TMEM74: variants seen among roughly 807,000 people sequenced by gnomAD.
The protein encoded by TMEM74 is transmembrane protein 74.
TMEM74 carries 13 observed loss-of-function variants against 18.1 expected under a neutral mutation model. That is an observed-to-expected ratio of 0.72 (90% CI 0.47 to 1.14). TMEM74 has a LOEUF of 1.14. Among genes scored for constraint, TMEM74 ranks in the 50% most tolerant of loss-of-function variants. The pLI is 0.00. For synonymous variants in TMEM74, 159 were observed against 146.6 expected (o/e 1.08, Z -0.61); for missense variants, 372 against 375.9 (o/e 0.99, Z 0.09).
intron 1 of TMEM74, among the ~76,000 whole-genome samples, chr8:108,681,849 AG>A (rs983296014): frequency 3.3e-5 from 5 of 152,202 alleles, no homozygotes; most frequent in Non-Finnish European, 1.5e-5. Flanking sequence ...AAAATAAAAA[AG>A]TCATCACCTA....
intron 1 of TMEM74, among the ~76,000 whole-genome samples, chr8:108,699,145 T>TTTCCTTCCATCCTTCC (rs1813309872): frequency 1.5e-5 from 1 of 68,712 alleles, no homozygotes; most frequent in Non-Finnish European, 2.7e-5. Context: ...CCCTCCCTCT[T>TTTCCTTCCATCCTTCC]TTCCTTCCTT....
chr8:108,758,510 G>C (rs1216941500), intron 1 of TMEM74, among the ~76,000 whole-genome samples: 2 of 152,038 alleles, frequency 1.3e-5, no homozygotes, highest in African/African-American at 4.8e-5. Context: ...AAAGCAAATT[G>C]AGACAATAAG....
intron 1 of TMEM74, among the ~76,000 whole-genome samples, chr8:108,693,553 T>G (rs1335861630): frequency 6.6e-6 from 1 of 152,240 alleles, no homozygotes; most frequent in African/African-American, 2.4e-5. Flanking sequence ...AATACATTCC[T>G]TGTATACAAA....
chr8:108,759,610 G>A (rs1269754313), intron 1 of TMEM74, among the ~76,000 whole-genome samples: 1 of 152,084 alleles, frequency 6.6e-6, no homozygotes. Context: ...AACAAGCAAG[G>A]CAAAGAAGAA....
intron 1 of TMEM74, among the ~76,000 whole-genome samples, chr8:108,715,002 A>G (rs1256304107): frequency 6.6e-6 from 1 of 152,148 alleles, no homozygotes; most frequent in Non-Finnish European, 1.5e-5. Context: ...TAAACACAAC[A>G]TAAACACAAC....
intron 1 of TMEM74, among the ~76,000 whole-genome samples, chr8:108,669,857 G>A (rs1812985440): frequency 6.6e-6 from 1 of 151,878 alleles, no homozygotes; most frequent in Non-Finnish European, 1.5e-5. Context: ...GGTCAAGATG[G>A]TGAAACCCCA....
intron 1 of TMEM74, among the ~76,000 whole-genome samples, chr8:108,762,239 C>A (rs1814053020): frequency 6.6e-6 from 1 of 152,086 alleles, no homozygotes; most frequent in South Asian, 2.1e-4. Flanking sequence ...TCAAATAATA[C>A]AAATATATAA....
chr8:108,656,821 G>A (rs1812825497), intron 1 of TMEM74, among the ~76,000 whole-genome samples: 1 of 152,100 alleles, frequency 6.6e-6, no homozygotes, highest in African/African-American at 2.4e-5. Context: ...AAGAAATTCT[G>A]CTTCCTTCTT....
At chr8:108,662,535 C>G (rs1812910963) in intron 1 of TMEM74, among the ~76,000 whole-genome samples, 2 of 152,086 alleles carry the variant, frequency 1.3e-5, no homozygotes, top group African/African-American at 4.8e-5. Flanking sequence ...AGTAGAACTA[C>G]CCTGCTTATC....
chr8:108,613,842 A>G (rs1812358593), intron 2 of TMEM74, among the ~76,000 whole-genome samples: 1 of 152,168 alleles, frequency 6.6e-6, no homozygotes, highest in Non-Finnish European at 1.5e-5. Context: ...TACAAGGTAG[A>G]TTACCTGAAT....
At chr8:108,707,331 T>A (rs200470792) in intron 1 of TMEM74, among the ~76,000 whole-genome samples, 3 of 147,102 alleles carry the variant, frequency 2.0e-5, no homozygotes, top group Non-Finnish European at 3.0e-5. Flanking sequence ...ACTTAAACTA[T>A]AAAAAAAAAA....
intron 2 of TMEM74, among the ~76,000 whole-genome samples, chr8:108,632,620 T>C (rs977644141): frequency 2.6e-5 from 4 of 151,866 alleles, no homozygotes; most frequent in African/African-American, 9.7e-5. Flanking sequence ...AATGAACAAA[T>C]TTGGGAGTTA....
At chr8:108,714,969 A>G (rs924153987) in intron 1 of TMEM74, among the ~76,000 whole-genome samples, 1 of 152,000 alleles carries the variant, frequency 6.6e-6, no homozygotes, top group Admixed American at 6.6e-5. Flanking sequence ...TTCAAATTAC[A>G]TTTTTCTCAT....
chr8:108,627,973 G>C (rs551037720), intron 2 of TMEM74, among the ~76,000 whole-genome samples: 1 of 151,984 alleles, frequency 6.6e-6, no homozygotes, highest in African/African-American at 2.4e-5. Flanking sequence ...CAGGAGGATC[G>C]CTTAAGACTG....
At chr8:108,738,381 A>G (rs1159681753) in intron 1 of TMEM74, among the ~76,000 whole-genome samples, 1 of 152,204 alleles carries the variant, frequency 6.6e-6, no homozygotes, top group Non-Finnish European at 1.5e-5. Flanking sequence ...GTTGTGGCAG[A>G]CCCTGTTACT....
intron 1 of TMEM74, among the ~76,000 whole-genome samples, chr8:108,694,810 C>T (rs1813264687): frequency 6.6e-6 from 1 of 152,196 alleles, no homozygotes; most frequent in Non-Finnish European, 1.5e-5. Context: ...AGTTCCTGAA[C>T]TTGGTGCTGG....
At chr8:108,652,524 G>T (rs1057278523) in intron 2 of TMEM74, 3 of 498,352 alleles carry the variant, frequency 6.0e-6, no homozygotes, top group Non-Finnish European at 1.1e-5. Flanking sequence ...CCACCAGAGT[G>T]CAGGATGGTG....
intron 1 of TMEM74, among the ~76,000 whole-genome samples, 181 bp downstream of exon 1, chr8:108,787,295 A>T (rs977212176): frequency 6.6e-6 from 1 of 152,152 alleles, no homozygotes; most frequent in Non-Finnish European, 1.5e-5. Context: ...GCGCCGAGGA[A>T]TCCGGCTATC....
At chr8:108,757,093 G>A (rs1432583910) in intron 1 of TMEM74, among the ~76,000 whole-genome samples, 1 of 152,082 alleles carries the variant, frequency 6.6e-6, no homozygotes, top group Admixed American at 6.6e-5. Context: ...GGAGAAATAA[G>A]ATACTATTAA....
Sources: gnomAD v4.1 joint callset for allele counts (sites outside exome capture counted in the v4.1 genomes callset) on GRCh38, gnomAD v4.1.1 for gene constraint, MANE v1.5 for transcripts, NCBI Gene and HGNC (gene_info 2026-07-23, HGNC 2026-07-21) for gene names.